RIPOR2: variants seen among roughly 807,000 people sequenced by gnomAD.
RIPOR2 encodes the protein RHO family interacting cell polarization regulator 2.
A neutral mutation model predicts 114.5 loss-of-function variants in RIPOR2; 39 were observed. The ratio of observed to expected loss-of-function variants is 0.34; its 90% CI spans 0.26 to 0.44. The LOEUF (loss-of-function observed/expected upper bound fraction) is 0.44. Among genes scored for constraint, RIPOR2 ranks in the 20% least tolerant of loss-of-function variants. The pLI, the probability that RIPOR2 is intolerant of heterozygous loss-of-function variation, is 1.00. For missense variants in RIPOR2, 1,007 were observed against 1,255.1 expected, an observed-to-expected ratio of 0.80 and a Z score of 2.99; for synonymous variants, 445 against 484.4, an observed-to-expected ratio of 0.92 and a Z score of 1.07.
intron 1 of RIPOR2, among the ~76,000 whole-genome samples, chr6:24,917,568 C>A (rs144344467): frequency 0.024 from 3,681 of 152,112 alleles, 146 homozygotes; most frequent in African/African-American, 0.08. Flanking sequence ...CTTGCTCTGT[C>A]ACCCAGGCTG....
chr6:24,847,190 C>T (rs571718044), intron 12 of RIPOR2, among the ~76,000 whole-genome samples: 23 of 152,182 alleles, frequency 1.5e-4, no homozygotes, highest in East Asian at 1.4e-3. Context: ...TGAGCTCAAG[C>T]GATCCACCCA....
intron 1 of RIPOR2, among the ~76,000 whole-genome samples, chr6:24,912,053 C>G (rs183430111): frequency 2.6e-5 from 4 of 152,300 alleles, no homozygotes; most frequent in Admixed American, 2.6e-4. Flanking sequence ...ACTGCATCCT[C>G]GGGCTGGAAT....
chr6:24,923,279 T>C (rs1455973354), intron 1 of RIPOR2, among the ~76,000 whole-genome samples: 1 of 152,228 alleles, frequency 6.6e-6, no homozygotes, highest in South Asian at 2.1e-4. Context: ...CATGGGTGGA[T>C]ACCTGATTTA....
intron 1 of RIPOR2, among the ~76,000 whole-genome samples, chr6:24,887,006 T>C (rs1308530488): frequency 6.6e-6 from 1 of 152,238 alleles, no homozygotes; most frequent in Non-Finnish European, 1.5e-5. Context: ...CATTTCTTTC[T>C]TTATTGTCAC....
intron 1 of RIPOR2, among the ~76,000 whole-genome samples, chr6:25,034,535 C>G (rs1252368240): frequency 6.6e-6 from 1 of 152,170 alleles, no homozygotes; most frequent in East Asian, 1.9e-4. Context: ...ATTTGCTATT[C>G]TGGTAATTTT....
At chr6:25,041,966 G>A (rs1432922134) in exon 1 of RIPOR2, 2 of 689,192 alleles carry the variant, frequency 2.9e-6, no homozygotes, top group East Asian at 2.7e-5. Context: ...CATGGCAAAG[G>A]AACAAAAGGG....
chr6:25,025,699 A>G (rs988932726), intron 1 of RIPOR2, among the ~76,000 whole-genome samples: 2 of 152,384 alleles, frequency 1.3e-5, no homozygotes, highest in Non-Finnish European at 2.9e-5. Context: ...AAGGTTTAAA[A>G]GAAAAACTTC....
intron 1 of RIPOR2, among the ~76,000 whole-genome samples, chr6:24,904,825 A>T (rs1194183074): frequency 6.6e-6 from 1 of 152,132 alleles, no homozygotes; most frequent in Non-Finnish European, 1.5e-5. Flanking sequence ...CCCAGGCTGG[A>T]GTGCAGTGGT....
Position 25,008,495 on chromosome 6 carries a change from G to C in RIPOR2, c.76+33356C>G, listed in dbSNP as rs558707751. On this transcript the variant is annotated intron_variant, in intron 1 of 13. Transcript: ENST00000510784. Reference sequence around the variant, plus strand: ...AGAAGCTGGAAAAGGCAAGGAAACAGGCTCCAAGCCTTGAGGGGAATGCAG... The same window carrying C: ...AGAAGCTGGAAAAGGCAAGGAAACACGCTCCAAGCCTTGAGGGGAATGCAG... Among the ~76,000 whole-genome samples, 11 of 152,320 alleles carry C rather than the reference G, an allele frequency of 7.2e-5. No individual in the cohort carries two copies. In the South Asian group the frequency reaches 2.3e-3, roughly 32 times the overall value.
At chr6:24,991,133 G>T (rs1009151800) in intron 1 of RIPOR2, among the ~76,000 whole-genome samples, 23 of 152,106 alleles carry the variant, frequency 1.5e-4, no homozygotes, top group Non-Finnish European at 3.2e-4. Flanking sequence ...CATTAGCCCT[G>T]GGAACCTTCT....
intron 1 of RIPOR2, chr6:24,911,069 C>T: frequency 2.6e-6 from 2 of 780,104 alleles, no homozygotes; most frequent in Non-Finnish European, 3.1e-6. Context: ...GGCTGGCGGG[C>T]GCGAGGGTGG....
chr6:24,880,884 G>T (rs190433442), intron 1 of RIPOR2, among the ~76,000 whole-genome samples: 11 of 152,100 alleles, frequency 7.2e-5, no homozygotes, highest in Non-Finnish European at 1.5e-5. Context: ...ATATATACCC[G>T]ATATATACTC....
chr6:24,805,860 A>G lies in RIPOR2; in HGVS notation c.*513T>C, dbSNP rs1367508167. The stretch of plus-strand genomic sequence containing the variant: ...ATGTAATATATTTGAATTATACCAT[A>G]GCCCTATTCTATATTGGCCAAAGGA... On this transcript the variant is annotated 3_prime_UTR_variant, in exon 22 of 22. Transcript: ENST00000643898. 1 of 153,338 alleles carries G rather than the reference A, an allele frequency of 6.5e-6. No homozygotes were observed. Among genetic ancestry groups the G allele is most frequent in the African/African-American group, 2.4e-5 (1 of 41,478 alleles). 9.5% of individuals were successfully genotyped at this position (153,338 alleles called of 1,614,324 possible). A position where few individuals can be genotyped will look rare whatever the true frequency, so the allele number is the denominator to read the frequency against.
chr6:24,880,927 T>C (rs1348538347), intron 1 of RIPOR2, among the ~76,000 whole-genome samples: 1 of 152,168 alleles, frequency 6.6e-6, no homozygotes, highest in Non-Finnish European at 1.5e-5. Flanking sequence ...GCCATATCTA[T>C]TAAGCAAGAA....
chr6:24,961,679 G>GT (rs1773316099), intron 1 of RIPOR2, among the ~76,000 whole-genome samples: 1 of 150,580 alleles, frequency 6.6e-6, no homozygotes, highest in African/African-American at 2.4e-5. Context: ...CCAGGCTGGA[G>GT]TGCAGTGGCA....
intron 1 of RIPOR2, among the ~76,000 whole-genome samples, chr6:25,020,393 C>G (rs926605455): frequency 1.3e-5 from 2 of 152,212 alleles, no homozygotes; most frequent in African/African-American, 4.8e-5. Flanking sequence ...ATTTTTCCTT[C>G]TAGAATCTGC....
intron 15 of RIPOR2, among the ~76,000 whole-genome samples, chr6:24,834,515 A>T (rs1253556774): frequency 1.3e-5 from 2 of 151,996 alleles, no homozygotes; most frequent in Non-Finnish European, 2.9e-5. Flanking sequence ...GGCCTCCCAA[A>T]GTGCTGGGTT....
At chr6:24,971,928 T>A (rs1474235429) in intron 1 of RIPOR2, among the ~76,000 whole-genome samples, 3 of 152,172 alleles carry the variant, frequency 2.0e-5, no homozygotes, top group Admixed American at 2.0e-4. Flanking sequence ...ACCTACTTCA[T>A]AGAGTATTTG....
At chr6:25,002,882 TG>T (rs1367987286) in intron 1 of RIPOR2, among the ~76,000 whole-genome samples, 2 of 152,234 alleles carry the variant, frequency 1.3e-5, no homozygotes, top group Non-Finnish European at 2.9e-5. Flanking sequence ...AAATGGAATG[TG>T]TGGTTCGTCC....
Sources: gnomAD v4.1 joint callset for allele counts (sites outside exome capture counted in the v4.1 genomes callset) on GRCh38, gnomAD v4.1.1 for gene constraint, MANE v1.5 for transcripts, NCBI Gene and HGNC (gene_info 2026-07-23, HGNC 2026-07-21) for gene names.